Variants in RHOBTB1 observed in about 807,000 individuals in gnomAD.
RHOBTB1 encodes Rho related BTB domain containing 1.
A neutral mutation model predicts 71.6 loss-of-function variants in RHOBTB1; 40 were observed. The observed-to-expected ratio is 0.56, with a 90% CI of 0.43 to 0.73. RHOBTB1 has a LOEUF of 0.73. Ranked by LOEUF, RHOBTB1 falls within the 30% of genes least tolerant of loss-of-function variation. The pLI, the probability that RHOBTB1 is intolerant of heterozygous loss-of-function variation, is 0.00. For synonymous variants in RHOBTB1, 319 were observed against 334.9 expected (o/e 0.95, Z 0.52); for missense variants, 797 against 894.0 (o/e 0.89, Z 1.38).
chr10:60,968,552 A>G (rs1297519909), intron 2 of RHOBTB1, among the ~76,000 whole-genome samples: 1 of 152,112 alleles, frequency 6.6e-6, no homozygotes, highest in East Asian at 1.9e-4. Context: ...CTTGCTGACC[A>G]TCTTTGAGGA....
intron 2 of RHOBTB1, among the ~76,000 whole-genome samples, chr10:60,936,320 A>G (rs1198107556): frequency 6.6e-6 from 1 of 152,226 alleles, no homozygotes; most frequent in Non-Finnish European, 1.5e-5. Context: ...GTGAGACCCA[A>G]CTGGCTATAT....
intron 2 of RHOBTB1, among the ~76,000 whole-genome samples, chr10:60,964,296 G>GCGCC (rs2085883589): frequency 6.6e-6 from 1 of 152,100 alleles, no homozygotes; most frequent in African/African-American, 2.4e-5. Flanking sequence ...TGGCGCCAGA[G>GCGCC]AGGATACAAC....
At chr10:60,938,528 G>A (rs2084725034) in intron 2 of RHOBTB1, among the ~76,000 whole-genome samples, 1 of 152,186 alleles carries the variant, frequency 6.6e-6, no homozygotes, top group Non-Finnish European at 1.5e-5. Flanking sequence ...TGACTCAACT[G>A]TTTAAGATTG....
intron 4 of RHOBTB1, among the ~76,000 whole-genome samples, chr10:60,893,408 T>A (rs1433149233): frequency 1.3e-5 from 2 of 152,180 alleles, no homozygotes; most frequent in East Asian, 3.9e-4. Context: ...TGATGACTCA[T>A]CCCAATGAGA....
Position 60,892,831 on chromosome 10 carries a change from C to T in RHOBTB1, c.461G>A (p.Arg154Gln), listed in dbSNP as rs777448889. Reference sequence around the variant, plus strand: ...TTACCTTGCTAACGGGCGCCTGGCTCGATTAACAGCTTCCAGGTCGGCATA... The same window carrying T: ...TTACCTTGCTAACGGGCGCCTGGCTTGATTAACAGCTTCCAGGTCGGCATA... ...LRYADLEAVN[R>Q]ARRPLARPIK... The change falls in exon 5 of 11, where the codon CGA becomes CAA. Residue 154 changes from arginine to glutamine, a missense_variant. Arg to Gln is a conservative substitution (Grantham distance 43, BLOSUM62 1). Transcript: ENST00000337910. The T allele has an allele frequency of 8.1e-6, 13 of 1,612,936 alleles. No homozygotes were observed. The highest frequency in any genetic ancestry group is 5.0e-5 in the Admixed American group (3 of 59,778).
intron 2 of RHOBTB1, among the ~76,000 whole-genome samples, chr10:60,985,253 C>A (rs1186138983): frequency 6.6e-6 from 1 of 152,070 alleles, no homozygotes; most frequent in African/African-American, 2.4e-5. Context: ...CTGTCCATTT[C>A]AAATAATTCT....
At chr10:60,935,139 T>C (rs1224388489) in intron 2 of RHOBTB1, among the ~76,000 whole-genome samples, 2 of 152,176 alleles carry the variant, frequency 1.3e-5, no homozygotes, top group Non-Finnish European at 1.5e-5. Context: ...ATTTATACAA[T>C]GGAATATTAT....
At chr10:60,933,330 T>C (rs1334062951) in intron 2 of RHOBTB1, among the ~76,000 whole-genome samples, 1 of 152,194 alleles carries the variant, frequency 6.6e-6, no homozygotes, top group Non-Finnish European at 1.5e-5. Flanking sequence ...CGACTAGAAA[T>C]TTTAAGGCAA....
At chr10:60,981,841 C>G (rs546239821) in intron 2 of RHOBTB1, among the ~76,000 whole-genome samples, 17 of 152,218 alleles carry the variant, frequency 1.1e-4, no homozygotes, top group Admixed American at 1.0e-3. Flanking sequence ...GCGACCTCGG[C>G]TCACTGCAAC....
chr10:60,949,852 T>G (rs1415188689), intron 2 of RHOBTB1, among the ~76,000 whole-genome samples: 1 of 152,178 alleles, frequency 6.6e-6, no homozygotes, highest in Non-Finnish European at 1.5e-5. Context: ...TCCATTGCAG[T>G]TTCTATTTTA....
chr10:60,978,354 G>A (rs1300801694), intron 2 of RHOBTB1, among the ~76,000 whole-genome samples: 4 of 152,104 alleles, frequency 2.6e-5, no homozygotes, highest in East Asian at 1.9e-4. Flanking sequence ...TTCTCCCAAA[G>A]GGCTTTATGT....
At chr10:60,896,754 C>T (rs1051063417) in intron 4 of RHOBTB1, among the ~76,000 whole-genome samples, 4 of 151,984 alleles carry the variant, frequency 2.6e-5, no homozygotes, top group Non-Finnish European at 4.4e-5. Flanking sequence ...ATAAAAATTT[C>T]GCTGGGTACT....
rs867237467 is a variant in RHOBTB1, at chr10:60,966,056, A to G, written c.-62+19789T>C. On this transcript the variant is annotated intron_variant, in intron 2 of 11. Transcript: ENST00000357917. ...AAAATCAGACAAATATGGCAAATTTATGAGAACAGATTTTTTTAAAGTTTG... is the reference window on the plus strand; with the variant it reads ...AAAATCAGACAAATATGGCAAATTTGTGAGAACAGATTTTTTTAAAGTTTG... 2.6e-5 allele frequency among the ~76,000 whole-genome samples: 4 copies of G among 152,312 alleles called. No homozygotes were observed. The South Asian group carries it at 6.2e-4, about 24-fold the overall frequency.
intron 7 of RHOBTB1, among the ~76,000 whole-genome samples, chr10:60,883,995 A>T (rs2081449308): frequency 6.6e-6 from 1 of 152,188 alleles, no homozygotes; most frequent in South Asian, 2.1e-4. Flanking sequence ...AGAGATTTTC[A>T]TTAGTCACAG....
chr10:60,988,404 G>C (rs770539269), intron 1 of RHOBTB1, among the ~76,000 whole-genome samples: 12 of 151,900 alleles, frequency 7.9e-5, no homozygotes, highest in Non-Finnish European at 1.6e-4. Context: ...AAATTTTCCT[G>C]TTACCCAGGT....
chr10:60,866,317 C>A (rs982509501), downstream of RHOBTB1, among the ~76,000 whole-genome samples: 16 of 152,202 alleles, frequency 1.1e-4, no homozygotes, highest in Non-Finnish European at 2.9e-5. Context: ...TGTAAAATGG[C>A]TGGATTTCCA....
intron 7 of RHOBTB1, among the ~76,000 whole-genome samples, chr10:60,879,829 C>G (rs1185055864): frequency 6.6e-6 from 1 of 152,154 alleles, no homozygotes; most frequent in Non-Finnish European, 1.5e-5. Context: ...CAGGCACACA[C>G]ATGCATGGAG....
At chr10:60,929,606 T>C (rs1006313074) in intron 2 of RHOBTB1, among the ~76,000 whole-genome samples, 6 of 152,184 alleles carry the variant, frequency 3.9e-5, no homozygotes, top group Non-Finnish European at 8.8e-5. Flanking sequence ...TTATTTTGAA[T>C]TTAGTTACAA....
At chr10:60,914,021 C>A (rs775993256) in intron 2 of RHOBTB1, among the ~76,000 whole-genome samples, 5 of 152,026 alleles carry the variant, frequency 3.3e-5, no homozygotes, top group African/African-American at 4.8e-5. Context: ...AAAATTGAGT[C>A]AGGAGGAAGG....
Sources: gnomAD v4.1 joint callset for allele counts (sites outside exome capture counted in the v4.1 genomes callset) on GRCh38, gnomAD v4.1.1 for gene constraint, MANE v1.5 for transcripts, NCBI Gene and HGNC (gene_info 2026-07-23, HGNC 2026-07-21) for gene names.